NBAS: variants seen among roughly 807,000 people sequenced by gnomAD.
The protein encoded by NBAS is NBAS subunit of NRZ tethering complex, also known as NAG/BC035112 fusion.
Under a neutral mutation model 302.5 loss-of-function variants are expected in NBAS, and 219 were observed. The observed-to-expected ratio is 0.72, with a 90% confidence interval of 0.65 to 0.81. The LOEUF is 0.81. NBAS is among the 30% of genes least tolerant of loss of function. NBAS has a pLI of 0.00. For missense variants in NBAS, 2,932 were observed against 2,841.6 expected (o/e 1.03, Z -0.72); for synonymous variants, 1,118 against 1,021.6 (o/e 1.09, Z -1.80).
At chr2:15,108,079 T>G in the NBAS span, among the ~76,000 whole-genome samples, 1 of 152,124 alleles carries the variant, frequency 6.6e-6, no homozygotes, top group Admixed American at 6.5e-5. Flanking sequence ...TGTGTATCCA[T>G]TCACCTGTTG....
At chr2:15,176,165 CG>C (rs1480643255) in intron 51 of NBAS, among the ~76,000 whole-genome samples, 2 of 152,162 alleles carry the variant, frequency 1.3e-5, no homozygotes, top group African/African-American at 4.8e-5. Flanking sequence ...AACAGCTAGA[CG>C]TGAGTCGGGC....
chr2:15,306,405 C>G (rs1026830270), intron 40 of NBAS, among the ~76,000 whole-genome samples: 1 of 152,116 alleles, frequency 6.6e-6, no homozygotes, highest in Admixed American at 6.5e-5. Context: ...TGCCCAAAAC[C>G]AATATACACC....
chr2:14,999,569 C>T, the NBAS span, among the ~76,000 whole-genome samples: 1 of 152,156 alleles, frequency 6.6e-6, no homozygotes, highest in Non-Finnish European at 1.5e-5. Flanking sequence ...CGCATGCTCT[C>T]TCCTGCTCCA....
chr2:15,229,353 A>C (rs1305264515), intron 47 of NBAS, among the ~76,000 whole-genome samples: 123 of 144,252 alleles, frequency 8.5e-4, no homozygotes, highest in Middle Eastern at 3.6e-3. Flanking sequence ...AAAACAAAAA[A>C]AAAAAAAAAA....
chr2:15,241,775 T>C (rs1290016942), intron 44 of NBAS, among the ~76,000 whole-genome samples: 1 of 150,954 alleles, frequency 6.6e-6, no homozygotes, highest in Non-Finnish European at 1.5e-5. Flanking sequence ...ATTTGTCACA[T>C]GTTTCCCTTT....
the NBAS span, among the ~76,000 whole-genome samples, chr2:14,794,050 TA>T: frequency 3.3e-5 from 5 of 151,982 alleles, no homozygotes; most frequent in Admixed American, 6.6e-5. Context: ...AAAGACTGCC[TA>T]AAAAAAATTC....
At position 15,178,875 on chromosome 2, in the gene NBAS, A is replaced by C; in HGVS notation, c.6840+113T>G. On this transcript the variant is annotated intron_variant, in intron 51 of 51. Transcript: ENST00000281513. ...CTATTGTGGTCAGAGAATACTATAGATATAGTAGTCTTCAATTAACCACGG... is the reference window on the plus strand; with the variant it reads ...CTATTGTGGTCAGAGAATACTATAGCTATAGTAGTCTTCAATTAACCACGG... 2.9e-6 allele frequency: 4 copies of C among 1,397,564 alleles called. No individual in the cohort carries two copies. The African/African-American group carries it at 4.3e-5, about 15-fold the overall frequency. 86.6% of individuals were successfully genotyped at this position (1,397,564 alleles called of 1,614,324 possible).
chr2:14,838,460 C>G, the NBAS span, among the ~76,000 whole-genome samples: 1 of 151,872 alleles, frequency 6.6e-6, no homozygotes, highest in African/African-American at 2.4e-5. Context: ...AGAAAATTTT[C>G]TCTTAACTTT....
chr2:15,249,266 C>T (rs1572524448), intron 44 of NBAS, among the ~76,000 whole-genome samples: 2 of 152,214 alleles, frequency 1.3e-5, no homozygotes, highest in Middle Eastern at 3.4e-3. Context: ...ATTCAACACC[C>T]GTTCATGCTA....
chr2:15,387,700 C>T (rs1185637360), intron 28 of NBAS, among the ~76,000 whole-genome samples: 4 of 151,388 alleles, frequency 2.6e-5, no homozygotes, highest in Admixed American at 1.3e-4. Flanking sequence ...GGCAAGATCT[C>T]GGCTCAATGC....
the NBAS span, among the ~76,000 whole-genome samples, chr2:14,808,698 G>C: frequency 6.6e-6 from 1 of 152,240 alleles, no homozygotes; most frequent in Non-Finnish European, 1.5e-5. Flanking sequence ...ATTGGTACCA[G>C]TAGAGTGAGG....
At chr2:15,397,340 T>G in intron 26 of NBAS, 1 of 233,166 alleles carries the variant, frequency 4.3e-6, no homozygotes, top group Non-Finnish European at 8.2e-6. Flanking sequence ...CAAGATCTTA[T>G]GGTTTTATTT....
intron 6 of NBAS, among the ~76,000 whole-genome samples, chr2:15,547,975 T>C (rs1664194548): frequency 6.6e-6 from 1 of 152,216 alleles, no homozygotes; most frequent in South Asian, 2.1e-4. Context: ...ATGCTATGTG[T>C]ATACATGTAT....
At chr2:15,534,790 T>C (rs1051780028) in intron 8 of NBAS, 149 bp from the exon 9 acceptor site, 5 of 686,474 alleles carry the variant, frequency 7.3e-6, no homozygotes, top group Non-Finnish European at 1.0e-5. Context: ...TACGTCACAA[T>C]GAGAAGGTAA....
In NBAS at chr2:15,539,414, C is replaced by T. The variant is rs34618661; in HGVS notation, c.380-58G>A. ...CAATATATTACAAAGATAGTTAATGCTTTTAGTAACTGCAACTAAAGTAAG... is the reference window on the plus strand; with the variant it reads ...CAATATATTACAAAGATAGTTAATGTTTTTAGTAACTGCAACTAAAGTAAG... On this transcript the variant is annotated intron_variant, in intron 6 of 51. Transcript: ENST00000281513. The T allele has an allele frequency of 2.5e-3, 4,001 of 1,585,112 alleles. 87 individuals carry two copies. In the African/African-American group the frequency reaches 0.046, roughly 18 times the overall value.
the NBAS span, among the ~76,000 whole-genome samples, chr2:14,790,965 C>G: frequency 6.6e-6 from 1 of 152,200 alleles, no homozygotes; most frequent in African/African-American, 2.4e-5. Flanking sequence ...AAGCGATTCT[C>G]CTGCCTTAGC....
intron 16 of NBAS, among the ~76,000 whole-genome samples, chr2:15,469,913 C>T (rs1004913662): frequency 8.6e-5 from 13 of 151,656 alleles, no homozygotes; most frequent in Non-Finnish European, 1.6e-4. Context: ...GTGCAGCACA[C>T]CACCATGGCA....
In NBAS at chr2:15,356,387, C is replaced by T. The variant is rs768278181; in HGVS notation, c.3847G>A (p.Val1283Ile). 1.2e-6 allele frequency: 2 copies of T among 1,613,842 alleles called. No homozygotes were observed. ...GENPEERRGQ[V>I]LILLVEQALR... Reference sequence around the variant, plus strand: ...GCCTGCTCCACTAAAAGGATTAGAACCTGTCCCCGCCTTTCTTCTGGGTTC... The same window carrying T: ...GCCTGCTCCACTAAAAGGATTAGAATCTGTCCCCGCCTTTCTTCTGGGTTC... Residue 1283 changes from valine to isoleucine, a missense_variant, in exon 33 of 52, where the codon GTT (valine) becomes ATT (isoleucine). By Grantham distance (29) the Val-to-Ile change is conservative. Coordinates refer to ENST00000281513, the MANE Select transcript of NBAS (RefSeq NM_015909.4).
intron 38 of NBAS, among the ~76,000 whole-genome samples, chr2:15,327,305 A>C (rs1209480304): frequency 6.6e-6 from 1 of 152,184 alleles, no homozygotes; most frequent in Non-Finnish European, 1.5e-5. Context: ...AAAAGGTATA[A>C]ATTGTAAGCT....
Sources: gnomAD v4.1 joint callset for allele counts (sites outside exome capture counted in the v4.1 genomes callset) on GRCh38, gnomAD v4.1.1 for gene constraint, MANE v1.5 for transcripts, NCBI Gene and HGNC (gene_info 2026-07-23, HGNC 2026-07-21) for gene names.